CDH8: variants seen among roughly 807,000 people sequenced by gnomAD.
CDH8 encodes cadherin-8.
A neutral mutation model predicts 68.1 loss-of-function variants in CDH8; 17 were observed. The observed-to-expected ratio is 0.25, with a 90% CI of 0.17 to 0.37. The LOEUF (loss-of-function observed/expected upper bound fraction) is 0.37, where lower values mean the gene tolerates loss of function less well. Among genes scored for constraint, CDH8 ranks in the 10% least tolerant of loss-of-function variants. The pLI is 1.00. For synonymous variants in CDH8, 372 were observed against 365.1 expected (o/e 1.02, Z -0.21); for missense variants, 763 against 999.3 (o/e 0.76, Z 3.19).
rs975743031 is a variant in CDH8 at position 61,653,814 on chromosome 16, C to T, written c.2194G>A (p.Ala732Thr). The stretch of plus-strand genomic sequence containing the variant: ...GGCGGGGCCGTGGGATCATTATCTG[C>T]CTCATGCAGCCTTACATTTATAAAT... ...DEFINVRLHE[A>T]DNDPTAPPYD... The change falls in exon 12 of 12, where the codon GCA (alanine) becomes ACA (threonine). Residue 732 changes from alanine to threonine, a missense_variant. Ala to Thr is a moderately conservative substitution (Grantham distance 58). Transcript: ENST00000577390. The T allele has an allele frequency of 6.2e-7, 1 of 1,614,040 alleles. No individual in the cohort carries two copies. Among genetic ancestry groups the T allele is most frequent in the Admixed American group, 1.7e-5 (1 of 59,998 alleles).
intron 3 of CDH8, among the ~76,000 whole-genome samples, chr16:61,897,779 G>A (rs2143240545): frequency 6.6e-6 from 1 of 152,184 alleles, no homozygotes; most frequent in African/African-American, 2.4e-5. Context: ...AGAGTTCTCT[G>A]GCCTAAATGA....
chr16:61,951,768 C>T (rs1964902436), intron 2 of CDH8, among the ~76,000 whole-genome samples: 1 of 152,172 alleles, frequency 6.6e-6, no homozygotes, highest in Admixed American at 6.5e-5. Context: ...ATGCCTCTCT[C>T]TCCTCCTTTT....
At chr16:61,945,519 T>G (rs908104427) in intron 2 of CDH8, among the ~76,000 whole-genome samples, 8 of 150,902 alleles carry the variant, frequency 5.3e-5, no homozygotes, top group African/African-American at 1.7e-4. Context: ...CCTGAACTCA[T>G]AGGCAATGTG....
At chr16:61,721,042 C>A (rs1959212925) in intron 9 of CDH8, among the ~76,000 whole-genome samples, 1 of 150,560 alleles carries the variant, frequency 6.6e-6, no homozygotes. Flanking sequence ...TATGGCTCAG[C>A]ATCACAAAAC....
At chr16:61,982,153 T>G (rs1346870244) in intron 2 of CDH8, among the ~76,000 whole-genome samples, 3 of 152,136 alleles carry the variant, frequency 2.0e-5, no homozygotes, top group African/African-American at 7.2e-5. Flanking sequence ...CTGAAGCACA[T>G]CCTTCGAACT....
In CDH8 at chr16:61,915,001, T is replaced by C. The variant is rs557338929; in HGVS notation, c.253-13528A>G. Among the ~76,000 whole-genome samples the C allele has an allele frequency of 1.3e-4, 20 of 152,374 alleles. No homozygotes were observed. The South Asian group carries it at 4.1e-3, about 32-fold the overall frequency. The stretch of plus-strand genomic sequence containing the variant: ...AACAACAGAGAGCCAATACAGTATT[T>C]TCAATTAATGTAAGTAATAGAATTG... On this transcript the variant is annotated intron_variant, in intron 2 of 11. Coordinates refer to ENST00000577390, the MANE Select transcript of CDH8 (RefSeq NM_001796.5).
chr16:61,859,091 G>A (rs1199792149), intron 3 of CDH8, among the ~76,000 whole-genome samples: 2 of 152,120 alleles, frequency 1.3e-5, no homozygotes, highest in East Asian at 1.9e-4. Flanking sequence ...TTGAGCAGTT[G>A]ATAGTCCTGT....
At chr16:61,984,288 C>T (rs552453920) in intron 2 of CDH8, among the ~76,000 whole-genome samples, 55 of 152,276 alleles carry the variant, frequency 3.6e-4, no homozygotes, top group Middle Eastern at 6.8e-3. Flanking sequence ...AATTCCCCAA[C>T]GCCCCACTTC....
intron 2 of CDH8, among the ~76,000 whole-genome samples, chr16:61,904,856 C>T (rs1964036985): frequency 6.6e-6 from 1 of 152,194 alleles, no homozygotes; most frequent in South Asian, 2.1e-4. Flanking sequence ...ATACCTTGTT[C>T]ACATAAAGGC....
chr16:61,952,820 T>C (rs2143595452), intron 2 of CDH8, among the ~76,000 whole-genome samples: 1 of 152,020 alleles, frequency 6.6e-6, no homozygotes, highest in Non-Finnish European at 1.5e-5. Flanking sequence ...TTATATCCCC[T>C]CTATGATTAA....
At chr16:61,748,648 GTC>G (rs1960084664) in intron 8 of CDH8, among the ~76,000 whole-genome samples, 1 of 151,950 alleles carries the variant, frequency 6.6e-6, no homozygotes, top group African/African-American at 2.4e-5. Flanking sequence ...CCAAATTCCT[GTC>G]TCTCATGCTT....
intron 9 of CDH8, among the ~76,000 whole-genome samples, chr16:61,721,353 T>C (rs1390551398): frequency 6.6e-6 from 1 of 150,954 alleles, no homozygotes; most frequent in Non-Finnish European, 1.5e-5. Context: ...CCCTCTTGTG[T>C]ATGCAGATAT....
chr16:61,954,402 T>C (rs1462042804), intron 2 of CDH8, among the ~76,000 whole-genome samples: 3 of 152,152 alleles, frequency 2.0e-5, no homozygotes, highest in African/African-American at 7.2e-5. Context: ...TAAATATCTT[T>C]GTATCCGTAG....
At chr16:61,987,283 C>T (rs1965645280) in intron 2 of CDH8, among the ~76,000 whole-genome samples, 2 of 152,162 alleles carry the variant, frequency 1.3e-5, no homozygotes, top group African/African-American at 4.8e-5. Context: ...GTGGATGGAT[C>T]ACTTGAGGTC....
At position 61,834,717 on chromosome 16, in the gene CDH8, A is replaced by G. The variant is rs536213875; in HGVS notation, c.668-9538T>C. 8.4e-4 allele frequency among the ~76,000 whole-genome samples: 127 copies of G among 152,026 alleles called. 1 individual carries two copies. The highest frequency in any genetic ancestry group is 2.7e-3 in the African/African-American group (112 of 41,518). On this transcript the variant is annotated intron_variant, in intron 4 of 11. Coordinates refer to ENST00000577390, the MANE Select transcript of CDH8 (RefSeq NM_001796.5). ...GAATGATGTTCTGGTGTTACTTGCT[A>G]TTTTTGAAGATTCATAGTTATTTAT...
At chr16:62,002,143 A>G (rs1965903379) in intron 2 of CDH8, among the ~76,000 whole-genome samples, 1 of 152,200 alleles carries the variant, frequency 6.6e-6, no homozygotes, top group African/African-American at 2.4e-5. Flanking sequence ...CTTTTACCCA[A>G]TAATTTGTCA....
intron 3 of CDH8, among the ~76,000 whole-genome samples, chr16:61,894,693 A>G (rs534062814): frequency 2.6e-5 from 4 of 152,298 alleles, no homozygotes; most frequent in African/African-American, 9.6e-5. Context: ...CAAAAGAGGA[A>G]AACATAGCCA....
intron 2 of CDH8, among the ~76,000 whole-genome samples, chr16:61,985,214 T>A (rs974278956): frequency 6.6e-6 from 1 of 152,160 alleles, no homozygotes; most frequent in African/African-American, 2.4e-5. Flanking sequence ...GAAATATTAT[T>A]TGGGAGTTAA....
At chr16:62,004,579 G>A (rs749783955) in intron 2 of CDH8, among the ~76,000 whole-genome samples, 2 of 152,068 alleles carry the variant, frequency 1.3e-5, no homozygotes, top group Non-Finnish European at 2.9e-5. Context: ...CTTGCTAATG[G>A]TTTCAGAAAT....
Sources: allele counts gnomAD v4.1 joint callset (sites outside exome capture counted in the v4.1 genomes callset), GRCh38; gene constraint gnomAD v4.1.1; transcripts MANE v1.5; gene names NCBI Gene and HGNC (gene_info 2026-07-23, HGNC 2026-07-21).